Variants in LY75 observed in about 807,000 individuals in gnomAD.
The protein encoded by LY75 is lymphocyte antigen 75, also known as C-type lectin domain family 13 member B.
In LY75, 185 loss-of-function variants were observed where a neutral mutation model predicts 231.7. The observed-to-expected ratio is 0.80, with a 90% confidence interval of 0.71 to 0.90. The LOEUF is 0.90. Among genes scored for constraint, LY75 ranks in the 40% least tolerant of loss-of-function variants. LY75 has a pLI of 0.00. For missense variants in LY75, 1,947 were observed against 2,050.2 expected, an observed-to-expected ratio of 0.95 and a Z score of 0.97; for synonymous variants, 668 against 689.0, an observed-to-expected ratio of 0.97 and a Z score of 0.48.
intron 16 of LY75, among the ~76,000 whole-genome samples, chr2:159,857,933 C>T (rs778124202): frequency 6.6e-6 from 1 of 152,090 alleles, no homozygotes; most frequent in Non-Finnish European, 1.5e-5. Flanking sequence ...TTTTATAGTT[C>T]ATTGAAAATT....
chr2:159,863,125 A>G (rs1035055226), intron 14 of LY75, among the ~76,000 whole-genome samples: 1 of 151,190 alleles, frequency 6.6e-6, no homozygotes, highest in Non-Finnish European at 1.5e-5. Flanking sequence ...CCATGTTGTC[A>G]CAAACGGCAG....
chr2:159,874,209 A>AAATATATT (rs1157651687), intron 12 of LY75, among the ~76,000 whole-genome samples: 237 of 31,210 alleles, frequency 7.6e-3, no homozygotes, highest in Non-Finnish European at 0.014. Context: ...AAATATATAT[A>AAATATATT]GTAAATATAT....
intron 28 of LY75, among the ~76,000 whole-genome samples, chr2:159,822,054 T>G (rs946337553): frequency 2.0e-5 from 3 of 152,238 alleles, no homozygotes; most frequent in Non-Finnish European, 2.9e-5. Context: ...AGATTCCCTC[T>G]GGTGCCTACC....
At chr2:159,831,910 T>C in intron 27 of LY75, 124 bp from the exon 28 acceptor site, 1 of 728,528 alleles carries the variant, frequency 1.4e-6, no homozygotes, top group Non-Finnish European at 2.1e-6. Flanking sequence ...TATTGGACAA[T>C]TAGAAACATA....
chr2:159,885,670 T>A (rs974448980), intron 5 of LY75, among the ~76,000 whole-genome samples: 6 of 152,204 alleles, frequency 3.9e-5, no homozygotes, highest in African/African-American at 1.4e-4. Flanking sequence ...GATTAAATTA[T>A]CTTTAAATAT....
intron 6 of LY75, among the ~76,000 whole-genome samples, 181 bp from the exon 7 acceptor site, chr2:159,882,496 T>C (rs1420376947): frequency 6.6e-6 from 1 of 152,232 alleles, no homozygotes; most frequent in Non-Finnish European, 1.5e-5. Context: ...TATAGCATCA[T>C]AGGAATTCCC....
Position 159,819,844 on chromosome 2 carries a change from AT to A in LY75, c.4034del (p.Asn1345MetfsTer8). The A allele has an allele frequency of 6.2e-7, 1 of 1,614,074 alleles. No individual in the cohort carries two copies. Among genetic ancestry groups the A allele is most frequent in the Non-Finnish European group, 8.5e-7 (1 of 1,179,974 alleles). ...TACTTAAACCAGCCAAAAACTTCTC[AT>A]TTTTTATAGTTGGTCTTCCTGCTCT... is the stretch of plus-strand genomic sequence containing the variant. ...HWRAGRPTIK[N>X]EKFLAGLSTD... On this transcript the variant is annotated frameshift_variant, in exon 29 of 35. Transcript: ENST00000263636. LOFTEE classifies it high-confidence loss of function.
At chr2:159,809,867 G>A (rs1047379930) in intron 32 of LY75, among the ~76,000 whole-genome samples, 6 of 151,296 alleles carry the variant, frequency 4.0e-5, no homozygotes, top group Admixed American at 1.3e-4. Context: ...TAGTAGAGAC[G>A]AGGGCTCGCC....
intron 13 of LY75, among the ~76,000 whole-genome samples, chr2:159,867,874 T>C (rs1222987028): frequency 6.6e-6 from 1 of 152,194 alleles, no homozygotes; most frequent in African/African-American, 2.4e-5. Flanking sequence ...AATGATTTGG[T>C]GCACCATGAA....
chr2:159,893,891 A>G, intron 3 of LY75, 23 bp downstream of exon 3: 1 of 1,584,124 alleles, frequency 6.3e-7, no homozygotes, highest in Non-Finnish European at 8.6e-7. Context: ...CTTTCCACAT[A>G]AAATTTACCA....
Position 159,815,483 on chromosome 2 carries a change from A to G in LY75, c.4471T>C (p.Leu1491=), listed in dbSNP as rs772252692. The G allele has an allele frequency of 1.9e-6, 3 of 1,613,994 alleles. No homozygotes were observed. The highest frequency in any genetic ancestry group is 2.5e-6 in the Non-Finnish European group (3 of 1,179,962). The stretch of plus-strand genomic sequence containing the variant: ...TGTTTCCAAGTTCCTTTTGGATCCA[A>G]GAGAACACAATTTCCAGGAGATGTT... ...GQTSPGNCVL[L]DPKGTWKHEK... The change falls in exon 31 of 35, where the codon TTG becomes CTG. Residue 1491 remains leucine, a synonymous_variant. Transcript: ENST00000263636.
chr2:159,853,956 T>A (rs1684476114), intron 18 of LY75, among the ~76,000 whole-genome samples: 1 of 152,240 alleles, frequency 6.6e-6, no homozygotes, highest in East Asian at 1.9e-4. Context: ...ATACTTTAAG[T>A]GGGCATACAG....
At chr2:159,866,120 CATTTTAGAGAA>C (rs138431596) in intron 13 of LY75, among the ~76,000 whole-genome samples, 1 of 152,124 alleles carries the variant, frequency 6.6e-6, no homozygotes, top group African/African-American at 2.4e-5. Context: ...AATACAGATA[CATTTTAGAGAA>C]GGGGTAGATT....
At chr2:159,889,026 A>G (rs1161351853) in intron 4 of LY75, among the ~76,000 whole-genome samples, 1 of 152,220 alleles carries the variant, frequency 6.6e-6, no homozygotes, top group Non-Finnish European at 1.5e-5. Flanking sequence ...CATTCAAAGA[A>G]TAACTCATCA....
At position 159,834,065 on chromosome 2, in the gene LY75, G is replaced by A; in HGVS notation, c.3820C>T (p.His1274Tyr). 4.3e-6 allele frequency: 7 copies of A among 1,613,560 alleles called. No individual in the cohort carries two copies. The highest frequency in any genetic ancestry group is 5.9e-6 in the Non-Finnish European group (7 of 1,179,834). ...TTACTCAGTTTCTGGCATTTAGTAT[G>A]AACTTCATCCTGTGTTGTTGCCATA... ...RHMATTQDEV[H>Y]TKCQKLNPKS... The change falls in exon 27 of 35, where the codon CAT (histidine) becomes TAT (tyrosine). Residue 1274 changes from histidine (H) to tyrosine (Y), a missense_variant. Physicochemically the swap from His to Tyr is moderately conservative, Grantham distance 83 (BLOSUM62 2). Coordinates refer to ENST00000263636, the MANE Select transcript of LY75 (RefSeq NM_002349.4).
At chr2:159,879,996 A>G (rs1330961128) in intron 8 of LY75, among the ~76,000 whole-genome samples, 1 of 152,244 alleles carries the variant, frequency 6.6e-6, no homozygotes, top group East Asian at 1.9e-4. Context: ...TAGGTATGCC[A>G]TCAATTCACT....
intron 13 of LY75, chr2:159,872,243 A>T: frequency 1.8e-6 from 1 of 549,530 alleles, no homozygotes; most frequent in Non-Finnish European, 3.1e-6. Flanking sequence ...AAGGGTAGGG[A>T]ATACATCTCA....
intron 31 of LY75, among the ~76,000 whole-genome samples, chr2:159,812,555 G>A (rs993695508): frequency 6.6e-6 from 1 of 152,068 alleles, no homozygotes. Flanking sequence ...GGGATTACAG[G>A]CATGTACTAC....
chr2:159,878,106 G>A (rs545784621), intron 11 of LY75, among the ~76,000 whole-genome samples: 2 of 152,252 alleles, frequency 1.3e-5, no homozygotes, highest in South Asian at 2.1e-4. Flanking sequence ...TGGTGGTTTG[G>A]GAGAACTAAG....
Sources: allele counts gnomAD v4.1 joint callset (sites outside exome capture counted in the v4.1 genomes callset), GRCh38; gene constraint gnomAD v4.1.1; transcripts MANE v1.5; gene names NCBI Gene and HGNC (gene_info 2026-07-23, HGNC 2026-07-21).